REST: variants seen among roughly 807,000 people sequenced by gnomAD.
REST encodes the protein RE1-silencing transcription factor.
A neutral mutation model predicts 30.4 loss-of-function variants in REST; 1 was observed. That is an observed-to-expected ratio of 0.03 (90% CI 0.01 to 0.16). REST has a LOEUF of 0.16. REST is among the 10% of genes least tolerant of loss of function. The pLI, the probability that REST is intolerant of heterozygous loss-of-function variation, is 1.00. For synonymous variants in REST, 504 were observed against 451.1 expected (o/e 1.12, Z -1.49); for missense variants, 1,259 against 1,329.5 (o/e 0.95, Z 0.82).
chr4:56,913,914 G>C (rs1720048345), intron 2 of REST, among the ~76,000 whole-genome samples: 1 of 152,006 alleles, frequency 6.6e-6, no homozygotes, highest in East Asian at 1.9e-4. Context: ...AAAGTGCTGG[G>C]ATTACAGGCG....
chr4:56,911,756 G>T (rs753555520), intron 2 of REST, among the ~76,000 whole-genome samples: 2 of 152,214 alleles, frequency 1.3e-5, no homozygotes, highest in South Asian at 4.1e-4. Context: ...TACATGTAAA[G>T]CACAGAGGAA....
intron 3 of REST, among the ~76,000 whole-genome samples, chr4:56,925,133 C>G (rs1187422642): frequency 6.7e-6 from 1 of 149,710 alleles, no homozygotes; most frequent in East Asian, 1.9e-4. Context: ...CCATTGCACT[C>G]CAGCCTGGGC....
In REST at chr4:56,911,029, C is replaced by G. The variant is rs1336567719; in HGVS notation, c.391C>G (p.Pro131Ala). The G allele has an allele frequency of 1.2e-6, 2 of 1,614,028 alleles. No individual in the cohort carries two copies. Among genetic ancestry groups the G allele is most frequent in the East Asian group, 2.2e-5 (1 of 44,896 alleles). ...GCCTGTATTTGAGGCATCAGGTGCTCCAGATATTTACAGTTCAAATAAAGA... is the reference window on the plus strand; with the variant it reads ...GCCTGTATTTGAGGCATCAGGTGCTGCAGATATTTACAGTTCAAATAAAGA... Reference protein sequence around the residue: ...PQPVFEASGAPDIYSSNKDLP... With the variant: ...PQPVFEASGAADIYSSNKDLP... The change falls in exon 2 of 4, where the codon CCA becomes GCA. Residue 131 changes from proline to alanine, a missense_variant. Physicochemically the swap from Pro to Ala is conservative, Grantham distance 27. Coordinates refer to ENST00000309042, the MANE Select transcript of REST (RefSeq NM_005612.5).
At chr4:56,929,296 C>G (rs1220916873) in intron 3 of REST, among the ~76,000 whole-genome samples, 2 of 152,046 alleles carry the variant, frequency 1.3e-5, no homozygotes, top group Non-Finnish European at 2.9e-5. Context: ...GTTTCAAACT[C>G]CTGGCCTCAA....
At chr4:56,919,507 G>A (rs1239361243) in intron 2 of REST, among the ~76,000 whole-genome samples, 3 of 152,106 alleles carry the variant, frequency 2.0e-5, no homozygotes, top group African/African-American at 7.2e-5. Context: ...ACTACTTAAT[G>A]TATTAACATG....
Position 56,931,205 on chromosome 4 carries a change from C to T in REST, c.2347C>T (p.Pro783Ser), listed in dbSNP as rs755806745. ...GGAGCCTGTTCAGATGGAGTTGTCT[C>T]CTCCCATGGGGGTGGTTCAGAAGGA... ...QKEPVQMELS[P>S]PMGVVQKEPA... Residue 783 changes from proline to serine, a missense_variant, in exon 4 of 4, where the codon CCT (proline) becomes TCT (serine). Coordinates refer to ENST00000309042, the MANE Select transcript of REST (RefSeq NM_005612.5). 5.0e-6 allele frequency: 8 copies of T among 1,614,052 alleles called. No homozygotes were observed. The highest frequency in any genetic ancestry group is 5.9e-6 in the Non-Finnish European group (7 of 1,179,972).
In REST at chr4:56,933,862, A is replaced by T. The variant is rs558238778; in HGVS notation, c.*1710A>T. 1.3e-5 allele frequency: 2 copies of T among 152,314 alleles called. No individual in the cohort carries two copies. Among genetic ancestry groups the T allele is most frequent in the East Asian group, 3.9e-4 (2 of 5,192 alleles). The allele number at this position is 152,314 out of a possible 1,614,324, so 9.4% of individuals were successfully genotyped here. On this transcript the variant is annotated 3_prime_UTR_variant, in exon 4 of 4. Transcript: ENST00000309042. ...ATAACCACTTTATATTTCATTTTTT[A>T]AAAATCTGATGATCTCTTTGAGGCA...
rs886566220 is a variant in REST, at chr4:56,934,589, T to A, written c.*2437T>A. 3.9e-5 allele frequency: 6 copies of A among 152,230 alleles called. No individual in the cohort carries two copies. Among genetic ancestry groups the A allele is most frequent in the African/African-American group, 1.2e-4 (5 of 41,466 alleles). The allele number at this position is 152,230 out of a possible 1,614,324, so 9.4% of individuals were successfully genotyped here. ...CTTAATGCCATGTATTTGTACTTACTAAAAATTGTTTCAATGAAAAGTACA... is the reference window on the plus strand; with the variant it reads ...CTTAATGCCATGTATTTGTACTTACAAAAAATTGTTTCAATGAAAAGTACA... On this transcript the variant is annotated 3_prime_UTR_variant, in exon 4 of 4. Transcript: ENST00000309042.
At chr4:56,915,371 G>A (rs553661618) in intron 2 of REST, among the ~76,000 whole-genome samples, 2 of 148,498 alleles carry the variant, frequency 1.3e-5, no homozygotes, top group Non-Finnish European at 3.0e-5. Context: ...TCAGCCTCCC[G>A]AGGAGCTGGG....
Position 56,910,976 on chromosome 4 carries a change from G to A in REST, c.338G>A (p.Ser113Asn), listed in dbSNP as rs1302497540. 6 of 1,614,070 alleles carry A rather than the reference G, an allele frequency of 3.7e-6. No individual in the cohort carries two copies. The highest frequency in any genetic ancestry group is 1.3e-5 in the African/African-American group (1 of 74,910). Residue 113 changes from serine to asparagine, a missense_variant, in exon 2 of 4, where the codon AGT (serine) becomes AAT (asparagine). Ser to Asn is a conservative substitution (Grantham distance 46, BLOSUM62 1). Coordinates refer to ENST00000309042, the MANE Select transcript of REST (RefSeq NM_005612.5). ...GGACTGGAAAACATGGAACTGAGAA[G>A]TTTGGAACTCAGCGTCGTAGAACCT... is the stretch of plus-strand genomic sequence containing the variant. Reference protein sequence around the residue: ...PHGLENMELRSLELSVVEPQP... With the variant: ...PHGLENMELRNLELSVVEPQP...
In REST at chr4:56,933,822, A is replaced by G. The variant is rs546954356; in HGVS notation, c.*1670A>G. The G allele has an allele frequency of 3.9e-5, 6 of 152,340 alleles. No individual in the cohort carries two copies. The highest frequency in any genetic ancestry group is 1.4e-4 in the African/African-American group (6 of 41,590). 9.4% of individuals were successfully genotyped at this position (152,340 alleles called of 1,614,324 possible). ...AGGGAATCTTGAATTCTGACCTCCC[A>G]TACTCCGTTTTGAAATAACCACTTT... On this transcript the variant is annotated 3_prime_UTR_variant, in exon 4 of 4. Transcript: ENST00000309042.
chr4:56,921,002 A>T (rs1256941224), intron 3 of REST, among the ~76,000 whole-genome samples: 1 of 151,954 alleles, frequency 6.6e-6, no homozygotes, highest in African/African-American at 2.4e-5. Flanking sequence ...AATAGCTGGG[A>T]TTACAGGCGC....
At chr4:56,912,936 G>T (rs190931126) in intron 2 of REST, among the ~76,000 whole-genome samples, 2 of 148,776 alleles carry the variant, frequency 1.3e-5, no homozygotes, top group African/African-American at 5.0e-5. Flanking sequence ...GTGGGCTACC[G>T]CACCCAGCCG....
At position 56,932,384 on chromosome 4, in the gene REST, A is replaced by G. The variant is rs1181925122; in HGVS notation, c.*232A>G. On this transcript the variant is annotated 3_prime_UTR_variant, in exon 4 of 4. Transcript: ENST00000309042. ...CAGGTATCTGTTAGCTTATGTGTTT[A>G]ATTGAAATTAGAAGGCTAAGATGGT... The G allele has an allele frequency of 2.3e-6, 1 of 429,728 alleles. No homozygotes were observed. The highest frequency in any genetic ancestry group is 4.1e-6 in the Non-Finnish European group (1 of 244,520). The allele number at this position is 429,728 out of a possible 1,614,324, so 26.6% of individuals were successfully genotyped here. A position where few individuals can be genotyped will look rare whatever the true frequency, so the allele number is the denominator to read the frequency against.
Position 56,910,615 on chromosome 4 carries a change from T to C in REST, c.-9-15T>C. On this transcript the variant is annotated splice_polypyrimidine_tract_variant and intron_variant, in intron 1 of 3. Transcript: ENST00000309042. ...TTTAAACTGGTGCTCTTGTTTTGTT[T>C]TGTTTTTAATTCAGAATACAGTTAT... The C allele has an allele frequency of 2.5e-6, 4 of 1,573,552 alleles. No homozygotes were observed. The highest frequency in any genetic ancestry group is 3.5e-6 in the Non-Finnish European group (4 of 1,158,162).
At chr4:56,920,273 G>GGTC (rs1720387657) in intron 3 of REST, among the ~76,000 whole-genome samples, 2 of 151,774 alleles carry the variant, frequency 1.3e-5, no homozygotes, top group African/African-American at 4.8e-5. Flanking sequence ...TAGCTTCTCA[G>GGTC]GTCCTGAAAT....
rs373407636 is a variant in REST at position 56,930,174 on chromosome 4, A to G, written c.1316A>G (p.Asp439Gly). The change falls in exon 4 of 4, where the codon GAT becomes GGT. Residue 439 changes from aspartate (D) to glycine (G), a missense_variant. Asp to Gly is a moderately conservative substitution (Grantham distance 94, BLOSUM62 -1). Transcript: ENST00000309042. ...KTKKREADLPDNITNEKTEIE... is the reference protein window; with the variant it reads ...KTKKREADLPGNITNEKTEIE... ...AAAAAACGAGAGGCTGACTTGCCTGATAATATTACCAATGAAAAAACAGAA... is the reference window on the plus strand; with the variant it reads ...AAAAAACGAGAGGCTGACTTGCCTGGTAATATTACCAATGAAAAAACAGAA... 5 of 1,611,698 alleles carry G rather than the reference A, an allele frequency of 3.1e-6. No individual in the cohort carries two copies. The highest frequency in any genetic ancestry group is 4.2e-6 in the Non-Finnish European group (5 of 1,179,526).
chr4:56,918,551 A>G (rs888575438), intron 2 of REST, among the ~76,000 whole-genome samples: 5 of 152,018 alleles, frequency 3.3e-5, no homozygotes, highest in South Asian at 2.1e-4. Flanking sequence ...TTTTAGCTTA[A>G]TGTTTTTTAT....
In REST at chr4:56,930,692, C is replaced by T. The variant is rs1363425700; in HGVS notation, c.1834C>T (p.Gln612Ter). Residue 612 changes from glutamine (Q) to a stop codon, truncating the protein, a stop_gained, in exon 4 of 4, where the codon CAG becomes TAG. Coordinates refer to ENST00000309042, the MANE Select transcript of REST (RefSeq NM_005612.5). LOFTEE classifies it low-confidence loss of function (END_TRUNC). ...EKGSAQMDPPQMGPAPTEAVQ... is the reference protein window; with the variant it reads ...EKGSAQMDPP Reference sequence around the variant, plus strand: ...GGGATCTGCTCAGATGGACCCTCCTCAGATGGGGCCTGCTCCCACAGAGGC... The same window carrying T: ...GGGATCTGCTCAGATGGACCCTCCTTAGATGGGGCCTGCTCCCACAGAGGC... 1.2e-6 allele frequency: 2 copies of T among 1,611,412 alleles called. No individual in the cohort carries two copies. Among genetic ancestry groups the T allele is most frequent in the Non-Finnish European group, 1.7e-6 (2 of 1,179,366 alleles).
Sources: allele counts gnomAD v4.1 joint callset (sites outside exome capture counted in the v4.1 genomes callset), GRCh38; gene constraint gnomAD v4.1.1; transcripts MANE v1.5; gene names NCBI Gene and HGNC (gene_info 2026-07-23, HGNC 2026-07-21).